Variants in HERC2 observed in about 807,000 individuals in gnomAD.
The protein encoded by HERC2 is HECT and RLD domain containing E3 ubiquitin protein ligase 2, also known as E3 ubiquitin-protein ligase HERC2.
HERC2 carries 102 observed loss-of-function variants against 537.7 expected under a neutral mutation model. The ratio of observed to expected loss-of-function variants is 0.19; its 90% confidence interval spans 0.16 to 0.22. HERC2 has a LOEUF of 0.22. HERC2 is among the 10% of genes least tolerant of loss of function. The pLI is 1.00. For synonymous variants in HERC2, 2,224 were observed against 2,466.2 expected (o/e 0.90, Z 2.91); for missense variants, 4,236 against 6,198.2 (o/e 0.68, Z 10.63).
intron 2 of HERC2, among the ~76,000 whole-genome samples, chr15:28,300,545 G>A (rs1456609432): frequency 4.0e-5 from 6 of 151,216 alleles, no homozygotes; most frequent in African/African-American, 9.8e-5. Flanking sequence ...GTTTTAGGCC[G>A]GCCACGGTGG....
rs143948512 is a variant in HERC2 at position 28,257,079 on chromosome 15, C to G, written c.2499G>C (p.Leu833=). ...QEKECVAVAT[L]NLLRLQLHAA... is the part of the protein sequence containing the mutation. The stretch of plus-strand genomic sequence containing the variant: ...TGAATACCTGAAGTCGTAGAAGATT[C>G]AGCGTTGCCACGGCCACACACTCTT... Residue 833 remains leucine, a synonymous_variant, in exon 17 of 93, where the codon CTG becomes CTC. Coordinates refer to ENST00000261609, the MANE Select transcript of HERC2 (RefSeq NM_004667.6). The G allele has an allele frequency of 1.2e-6, 2 of 1,613,456 alleles. No homozygotes were observed. Among genetic ancestry groups the G allele is most frequent in the African/African-American group, 1.3e-5 (1 of 74,886 alleles).
rs1400980999 is a variant in HERC2 at position 28,111,766 on chromosome 15, G to A, written c.14502C>T (p.His4834=). The change falls in exon 93 of 93, where the codon CAC becomes CAT. Residue 4834 remains histidine, a synonymous_variant. Transcript: ENST00000261609. ...CTCACGAGGACGTTTCCCCATCTTA[G>A]TGTCCTGTTAAATAATCTTGTGTAG... ...SDSTQDYLTG[H] 4 of 1,612,764 alleles carry A rather than the reference G, an allele frequency of 2.5e-6. No homozygotes were observed. The Admixed American group carries it at 6.7e-5, about 27-fold the overall frequency.
intron 67 of HERC2, 74 bp from the exon 68 acceptor site, chr15:28,167,901 C>G: frequency 1.4e-6 from 2 of 1,479,580 alleles, no homozygotes; most frequent in Non-Finnish European, 1.8e-6. Context: ...CTATGCAAGT[C>G]CCAAATGCTT....
intron 76 of HERC2, 102 bp downstream of exon 76, chr15:28,142,136 C>T: frequency 2.2e-6 from 3 of 1,351,416 alleles, no homozygotes; most frequent in Non-Finnish European, 2.0e-6. Flanking sequence ...TATTCCTTGG[C>T]AAGCGAAATT....
intron 56 of HERC2, among the ~76,000 whole-genome samples, chr15:28,185,581 C>T (rs1390806427): frequency 2.0e-5 from 3 of 152,158 alleles, no homozygotes; most frequent in African/African-American, 7.2e-5. Flanking sequence ...TTAGAGCAGC[C>T]CCTGCAAATG....
chr15:28,300,052 T>TA (rs34917808), intron 2 of HERC2, among the ~76,000 whole-genome samples: 85,622 of 126,010 alleles, frequency 0.68, 31,853 homozygotes, highest in Non-Finnish European at 0.86. Context: ...GACTCGGTGT[T>TA]AAAAAAAAAA....
chr15:28,219,782 G>A (rs1900323865), intron 37 of HERC2, among the ~76,000 whole-genome samples: 1 of 152,190 alleles, frequency 6.6e-6, no homozygotes. Context: ...TCCGGAGGCA[G>A]CCCCAGCCTC....
intron 10 of HERC2, among the ~76,000 whole-genome samples, chr15:28,270,368 G>T (rs1356390148): frequency 6.6e-6 from 1 of 151,822 alleles, no homozygotes; most frequent in East Asian, 1.9e-4. Flanking sequence ...AAGACAGTCC[G>T]CGTTCAGAGT....
intron 68 of HERC2, 151 bp from the exon 69 acceptor site, chr15:28,163,436 C>T (rs946266112): frequency 2.1e-5 from 14 of 652,138 alleles, no homozygotes; most frequent in Admixed American, 9.5e-5. Context: ...GATTAAGAAA[C>T]GACGGCCCCT....
intron 44 of HERC2, among the ~76,000 whole-genome samples, chr15:28,209,940 CTTTT>C (rs1164101918): frequency 1.3e-5 from 1 of 77,344 alleles, no homozygotes; most frequent in African/African-American, 5.3e-5. Flanking sequence ...AATACATTAT[CTTTT>C]TTTTTTTTTT....
Position 28,253,258 on chromosome 15 carries a change from C to G in HERC2, c.3050+1082G>C, listed in dbSNP as rs183379321. Among the ~76,000 whole-genome samples, 3 of 152,344 alleles carry G rather than the reference C, an allele frequency of 2.0e-5. No individual in the cohort carries two copies. In the East Asian group the frequency reaches 5.8e-4, roughly 29 times the overall value. On this transcript the variant is annotated intron_variant, in intron 20 of 92. Transcript: ENST00000261609. ...CTTCTTCTTCCCACCTCCTCCTAGT[C>G]TGGCCTTCCAAAATAATGCTCACCA...
intron 14 of HERC2, among the ~76,000 whole-genome samples, chr15:28,264,254 C>A (rs1039645581): frequency 2.0e-5 from 3 of 152,130 alleles, no homozygotes; most frequent in African/African-American, 7.2e-5. Flanking sequence ...GCCACTGTCA[C>A]AGGAAAGCAG....
rs948002188 is a variant in HERC2, at chr15:28,268,207, G to A, written c.1598+258C>T. ...TGGCAAACTCCACAGTGGGGATGCA[G>A]TTTGAGTAGATAGAAGGCTGGCCAA... On this transcript the variant is annotated intron_variant, in intron 12 of 92. Coordinates refer to ENST00000261609, the MANE Select transcript of HERC2 (RefSeq NM_004667.6). This position sits in a 1 kb window ranked among gnomAD's most constrained non-coding sequence, Gnocchi z 4.7. 3.2e-4 allele frequency among the ~76,000 whole-genome samples: 49 copies of A among 152,198 alleles called. No individual in the cohort carries two copies. Among genetic ancestry groups the A allele is most frequent in the African/African-American group, 1.2e-3 (49 of 41,454 alleles).
intron 69 of HERC2, among the ~76,000 whole-genome samples, chr15:28,159,926 C>A (rs138844150): frequency 3.3e-5 from 5 of 151,472 alleles, no homozygotes; most frequent in Admixed American, 6.6e-5. Flanking sequence ...GATGTCCTTT[C>A]TGTTTGTTAG....
At chr15:28,159,384 T>C (rs1309992084) in intron 69 of HERC2, among the ~76,000 whole-genome samples, 5 of 152,248 alleles carry the variant, frequency 3.3e-5, no homozygotes, top group African/African-American at 1.2e-4. Context: ...CAATCAGTCA[T>C]AGATTTGGTC....
intron 81 of HERC2, among the ~76,000 whole-genome samples, chr15:28,131,020 G>A (rs1342775859): frequency 6.6e-6 from 1 of 152,102 alleles, no homozygotes. Flanking sequence ...ATGGCCAAAA[G>A]CACTGGGCCC....
intron 65 of HERC2, among the ~76,000 whole-genome samples, chr15:28,172,349 G>T (rs112899498): frequency 0.037 from 5,646 of 152,192 alleles, 336 homozygotes; most frequent in African/African-American, 0.13. Flanking sequence ...CAAAGCTAAA[G>T]AACTCTTGCA....
At chr15:28,253,878 C>G (rs190771969) in intron 20 of HERC2, among the ~76,000 whole-genome samples, 193 of 152,192 alleles carry the variant, frequency 1.3e-3, no homozygotes, top group African/African-American at 4.3e-3. Flanking sequence ...AGGAGAATTG[C>G]TAGAACCCAG....
intron 3 of HERC2, among the ~76,000 whole-genome samples, chr15:28,294,242 G>T (rs938616191): frequency 1.3e-5 from 2 of 152,030 alleles, no homozygotes; most frequent in Admixed American, 1.3e-4. Context: ...GAGAGAAAAG[G>T]TGAATGCTGA....
Sources: allele counts gnomAD v4.1 joint callset (sites outside exome capture counted in the v4.1 genomes callset), GRCh38; gene constraint gnomAD v4.1.1; non-coding constraint Gnocchi (gnomAD v3.1); transcripts MANE v1.5; gene names NCBI Gene and HGNC (gene_info 2026-07-23, HGNC 2026-07-21).